Variants in VMP1 observed in about 807,000 individuals in gnomAD.
VMP1 encodes the protein ectopic P-granules autophagy protein 3 homolog.
VMP1 carries 11 observed loss-of-function variants against 56.0 expected under a neutral mutation model. The observed-to-expected ratio is 0.20, with a 90% CI of 0.12 to 0.32. VMP1 has a LOEUF of 0.32. VMP1 is among the 10% of genes least tolerant of loss of function. The probability of loss-of-function intolerance (pLI) is 1.00; values close to 1 mark genes in which losing one functional copy is unlikely to be tolerated. For missense variants in VMP1, 296 were observed against 490.3 expected (o/e 0.60, Z 3.74); for synonymous variants, 149 against 165.0 (o/e 0.90, Z 0.74).
intron 10 of VMP1, among the ~76,000 whole-genome samples, chr17:59,826,286 A>C (rs2144300539): frequency 6.6e-6 from 1 of 152,332 alleles, no homozygotes; most frequent in African/African-American, 2.4e-5. Context: ...TTCTGGAGTT[A>C]GACTGTTAGA....
At chr17:59,744,743 A>G (rs1331836162) in intron 5 of VMP1, among the ~76,000 whole-genome samples, 1 of 152,014 alleles carries the variant, frequency 6.6e-6, no homozygotes, top group Non-Finnish European at 1.5e-5. Flanking sequence ...TGTTAAATAT[A>G]AAAGAAATAT....
intron 7 of VMP1, among the ~76,000 whole-genome samples, chr17:59,788,316 G>C (rs1329805503): frequency 1.3e-5 from 2 of 150,540 alleles, no homozygotes; most frequent in Admixed American, 1.3e-4. Context: ...GTGAAACACC[G>C]TCTCTACTAA....
At chr17:59,799,612 TC>T (rs2037565453) in intron 7 of VMP1, among the ~76,000 whole-genome samples, 1 of 152,196 alleles carries the variant, frequency 6.6e-6, no homozygotes. Context: ...ACAGTCTTTA[TC>T]CCGTGACCTT....
chr17:59,809,012 T>G, intron 8 of VMP1, 136 bp downstream of exon 8: 1 of 732,414 alleles, frequency 1.4e-6, no homozygotes, highest in South Asian at 2.1e-5. Flanking sequence ...CCTTTTTTTT[T>G]TTTTAAGACG....
chr17:59,815,408 C>G (rs2038190887), intron 9 of VMP1, among the ~76,000 whole-genome samples: 1 of 152,126 alleles, frequency 6.6e-6, no homozygotes, highest in African/African-American at 2.4e-5. Flanking sequence ...CTTTATCTCT[C>G]TACCTTCACA....
chr17:59,748,890 A>ATTT (rs67248900), intron 5 of VMP1, among the ~76,000 whole-genome samples: 2 of 65,850 alleles, frequency 3.0e-5, no homozygotes, highest in East Asian at 5.5e-4. Flanking sequence ...TATTATTATT[A>ATTT]TTTATTTTTT....
At chr17:59,723,416 A>G (rs555842324) in intron 1 of VMP1, among the ~76,000 whole-genome samples, 2 of 152,306 alleles carry the variant, frequency 1.3e-5, no homozygotes, top group Admixed American at 1.3e-4. Flanking sequence ...TAGGAGGAAA[A>G]ATGAAAGTAT....
intron 5 of VMP1, among the ~76,000 whole-genome samples, chr17:59,752,059 C>T (rs1166042785): frequency 3.3e-5 from 5 of 152,092 alleles, no homozygotes; most frequent in Admixed American, 6.6e-5. Flanking sequence ...GAGATCCTCT[C>T]GCCTCAGCCT....
chr17:59,735,520 A>C (rs779916529), intron 3 of VMP1, 47 bp downstream of exon 3: 2 of 1,596,782 alleles, frequency 1.3e-6, no homozygotes, highest in South Asian at 2.2e-5. Flanking sequence ...TCATTTACTC[A>C]TTTAAAAAAT....
chr17:59,737,706 T>G (rs1310426214), intron 4 of VMP1, among the ~76,000 whole-genome samples, 163 bp downstream of exon 4: 1 of 152,196 alleles, frequency 6.6e-6, no homozygotes, highest in Non-Finnish European at 1.5e-5. Context: ...ACTAAAAATA[T>G]TCTTGTGATG....
At chr17:59,821,377 A>G (rs2038444228) in intron 10 of VMP1, among the ~76,000 whole-genome samples, 1 of 152,120 alleles carries the variant, frequency 6.6e-6, no homozygotes, top group Non-Finnish European at 1.5e-5. Flanking sequence ...TTTTGAATAT[A>G]GTTATGCTAA....
intron 1 of VMP1, among the ~76,000 whole-genome samples, chr17:59,721,913 A>T (rs576864108): frequency 1.2e-4 from 19 of 152,286 alleles, no homozygotes; most frequent in African/African-American, 4.3e-4. Context: ...GTCCAAGATC[A>T]AGGTGCCAGC....
intron 6 of VMP1, among the ~76,000 whole-genome samples, chr17:59,769,309 G>A (rs531732352): frequency 4.0e-5 from 6 of 151,586 alleles, no homozygotes; most frequent in Non-Finnish European, 2.9e-5. Context: ...GCGCCACCAT[G>A]CCCAGCTAAT....
At chr17:59,750,955 CAG>C (rs1215104687) in intron 5 of VMP1, among the ~76,000 whole-genome samples, 5 of 104,444 alleles carry the variant, frequency 4.8e-5, no homozygotes, top group African/African-American at 7.9e-5. Flanking sequence ...TTTTTGGAGA[CAG>C]AGTCTAGCTC....
At chr17:59,716,130 T>G (rs1254286936) in intron 1 of VMP1, among the ~76,000 whole-genome samples, 9 of 152,170 alleles carry the variant, frequency 5.9e-5, no homozygotes, top group Admixed American at 5.9e-4. Context: ...CCTACAGTGG[T>G]GTTGCTTTAG....
intron 5 of VMP1, among the ~76,000 whole-genome samples, chr17:59,744,720 T>C (rs1206301362): frequency 2.0e-5 from 3 of 148,798 alleles, no homozygotes; most frequent in Non-Finnish European, 3.0e-5. Flanking sequence ...ATTTAGAAGC[T>C]TGGGGAGAAA....
At chr17:59,748,890 AT>A (rs67248900) in intron 5 of VMP1, among the ~76,000 whole-genome samples, 4,337 of 65,754 alleles carry the variant, frequency 0.066, 149 homozygotes, top group African/African-American at 0.13. Flanking sequence ...TATTATTATT[AT>A]TTATTTTTTT....
chr17:59,712,786 G>GA (rs1453889165), intron 1 of VMP1, among the ~76,000 whole-genome samples: 2 of 152,172 alleles, frequency 1.3e-5, no homozygotes, highest in African/African-American at 4.8e-5. Flanking sequence ...AGTGCAGTAG[G>GA]AAATCATTCT....
At chr17:59,718,063 G>A (rs748044560) in intron 1 of VMP1, among the ~76,000 whole-genome samples, 1 of 151,792 alleles carries the variant, frequency 6.6e-6, no homozygotes, top group Non-Finnish European at 1.5e-5. Context: ...CTCTTTACCT[G>A]CTGATCCATT....
Sources: allele counts gnomAD v4.1 joint callset (sites outside exome capture counted in the v4.1 genomes callset), GRCh38; gene constraint gnomAD v4.1.1; transcripts MANE v1.5; gene names NCBI Gene and HGNC (gene_info 2026-07-23, HGNC 2026-07-21).